The following UGGT2 variants were observed in gnomAD, a reference collection of about 807,000 sequenced individuals.
UGGT2 encodes the protein UDP-glucose:glycoprotein glucosyltransferase 2.
A neutral mutation model predicts 192.1 loss-of-function variants in UGGT2; 180 were observed. The ratio of observed to expected loss-of-function variants is 0.94; its 90% CI spans 0.83 to 1.06. UGGT2 has a LOEUF of 1.06. Ranked by LOEUF, UGGT2 falls within the 50% of genes least tolerant of loss-of-function variation. The probability of loss-of-function intolerance (pLI) is 0.00; values close to 1 mark genes in which losing one functional copy is unlikely to be tolerated. For missense variants in UGGT2, 1,849 were observed against 1,795.7 expected (o/e 1.03, Z -0.54); for synonymous variants, 580 against 591.0 (o/e 0.98, Z 0.27).
intron 1 of UGGT2, among the ~76,000 whole-genome samples, chr13:96,051,027 G>A (rs1020594809): frequency 6.6e-6 from 1 of 152,090 alleles, no homozygotes; most frequent in African/African-American, 2.4e-5. Flanking sequence ...AAAGACACAT[G>A]CACACACATG....
At chr13:96,040,099 T>C (rs941967647) in intron 1 of UGGT2, among the ~76,000 whole-genome samples, 2 of 152,252 alleles carry the variant, frequency 1.3e-5, no homozygotes, top group African/African-American at 2.4e-5. Context: ...ACTCCACAGC[T>C]ACTTCTACAT....
At chr13:95,968,088 T>C (rs1213184324) in intron 12 of UGGT2, among the ~76,000 whole-genome samples, 3 of 152,100 alleles carry the variant, frequency 2.0e-5, no homozygotes, top group Non-Finnish European at 2.9e-5. Flanking sequence ...TAATATTAAA[T>C]CTTAAGGATA....
chr13:95,987,109 C>G (rs1221786790), intron 8 of UGGT2, among the ~76,000 whole-genome samples: 3 of 152,074 alleles, frequency 2.0e-5, no homozygotes, highest in Non-Finnish European at 4.4e-5. Context: ...ACAGGATACT[C>G]ACCCCACCAC....
intron 35 of UGGT2, among the ~76,000 whole-genome samples, chr13:95,853,932 T>C (rs975230058): frequency 2.6e-5 from 4 of 152,162 alleles, no homozygotes; most frequent in African/African-American, 9.7e-5. Context: ...GCCATGAGGC[T>C]TTGAAGACAT....
intron 33 of UGGT2, among the ~76,000 whole-genome samples, chr13:95,858,207 A>C (rs955566572): frequency 2.0e-5 from 3 of 151,776 alleles, no homozygotes; most frequent in African/African-American, 7.3e-5. Context: ...CCTTCACCCT[A>C]TCTCCCAGGA....
chr13:95,903,084 A>C (rs768815083), intron 20 of UGGT2, 24 bp from the exon 21 acceptor site: 1 of 1,593,820 alleles, frequency 6.3e-7, no homozygotes, highest in East Asian at 2.2e-5. Context: ...TATAGATTAA[A>C]AAGACCAGTA....
chr13:95,972,532 A>T (rs2050805156), intron 11 of UGGT2, 48 bp downstream of exon 11: 3 of 1,426,826 alleles, frequency 2.1e-6, no homozygotes, highest in Non-Finnish European at 2.9e-6. Context: ...GACAATGTTT[A>T]TTTTTATATA....
At chr13:95,939,476 CT>C (rs35091779) in intron 16 of UGGT2, among the ~76,000 whole-genome samples, 42,524 of 108,876 alleles carry the variant, frequency 0.39, 5,548 homozygotes, top group Middle Eastern at 0.44. Context: ...GAGTTGTTGC[CT>C]TTTTTTTTTT....
chr13:96,031,952 TTTC>T lies in UGGT2; in HGVS notation c.175_177del (p.Glu59del), dbSNP rs772511216. On this transcript the variant is annotated inframe_deletion, in exon 2 of 39. Coordinates refer to ENST00000376747, the MANE Select transcript of UGGT2 (RefSeq NM_020121.4). ...AAAAACTGCCAAAATTTTTCATTAC[TTTC>T]TTCTGCCATAAATTCACTATTAAAA... 4.3e-6 allele frequency: 7 copies of T among 1,610,974 alleles called. No individual in the cohort carries two copies. The East Asian group carries it at 1.3e-4, about 31-fold the overall frequency.
intron 2 of UGGT2, among the ~76,000 whole-genome samples, chr13:96,028,970 C>T (rs879882007): frequency 1.4e-5 from 2 of 145,744 alleles, no homozygotes; most frequent in Non-Finnish European, 3.0e-5. Context: ...ACGGTGAAAC[C>T]CCGTCTCTAA....
chr13:96,041,280 G>A (rs1326965893), intron 1 of UGGT2, among the ~76,000 whole-genome samples: 2 of 152,170 alleles, frequency 1.3e-5, no homozygotes, highest in African/African-American at 4.8e-5. Context: ...CTTACCTGGG[G>A]CTGAGTCAAT....
chr13:96,016,062 C>T (rs868342933), intron 4 of UGGT2, among the ~76,000 whole-genome samples: 4 of 152,056 alleles, frequency 2.6e-5, no homozygotes, highest in African/African-American at 4.8e-5. Context: ...TGACTTAAGA[C>T]GTTTGGTGGA....
At chr13:95,897,089 T>C (rs925996627) in intron 22 of UGGT2, among the ~76,000 whole-genome samples, 2 of 152,206 alleles carry the variant, frequency 1.3e-5, no homozygotes, top group Admixed American at 1.3e-4. Flanking sequence ...GCCCTTCAAA[T>C]ATTGAGAGAA....
chr13:95,905,213 T>G (rs1355393508), intron 20 of UGGT2, among the ~76,000 whole-genome samples: 4 of 150,922 alleles, frequency 2.7e-5, no homozygotes, highest in African/African-American at 9.7e-5. Flanking sequence ...GTCAGATGAG[T>G]AGGTTGTGGA....
intron 2 of UGGT2, among the ~76,000 whole-genome samples, 170 bp from the exon 3 acceptor site, chr13:96,023,929 C>G (rs890521214): frequency 1.3e-5 from 2 of 152,114 alleles, no homozygotes; most frequent in African/African-American, 4.8e-5. Context: ...TAATCAACTT[C>G]ATTTTGGATC....
intron 9 of UGGT2, among the ~76,000 whole-genome samples, chr13:95,986,033 T>A (rs866787238): frequency 6.6e-6 from 1 of 152,158 alleles, no homozygotes; most frequent in African/African-American, 2.4e-5. Context: ...TCATTATTTA[T>A]TGCTTAAACA....
intron 36 of UGGT2, among the ~76,000 whole-genome samples, chr13:95,847,061 C>CT (rs71113956): frequency 0.074 from 7,192 of 97,288 alleles, 312 homozygotes; most frequent in East Asian, 0.25. Context: ...CTTTTCTTTT[C>CT]TTTTTTTTTT....
chr13:95,942,219 A>AGGG (rs201157034), intron 15 of UGGT2, among the ~76,000 whole-genome samples: 2 of 72,112 alleles, frequency 2.8e-5, no homozygotes, highest in South Asian at 1.1e-3. Flanking sequence ...TCTTAGGGTG[A>AGGG]GGGTGTGTGT....
chr13:96,016,791 T>A (rs879669703), intron 4 of UGGT2, among the ~76,000 whole-genome samples: 1 of 152,192 alleles, frequency 6.6e-6, no homozygotes, highest in Non-Finnish European at 1.5e-5. Context: ...GAGGGGGGGC[T>A]GCAACCCTTC....
Sources: allele counts gnomAD v4.1 joint callset (sites outside exome capture counted in the v4.1 genomes callset), GRCh38; gene constraint gnomAD v4.1.1; transcripts MANE v1.5; gene names NCBI Gene and HGNC (gene_info 2026-07-23, HGNC 2026-07-21).